KCNT2: variants seen among roughly 807,000 people sequenced by gnomAD.
The protein encoded by KCNT2 is potassium sodium-activated channel subfamily T member 2.
A neutral mutation model predicts 153.8 loss-of-function variants in KCNT2; 67 were observed. The ratio of observed to expected loss-of-function variants is 0.44; its 90% CI spans 0.36 to 0.53. The LOEUF (loss-of-function observed/expected upper bound fraction) is 0.53. Among genes scored for constraint, KCNT2 ranks in the 20% least tolerant of loss-of-function variants. The pLI, the probability that KCNT2 is intolerant of heterozygous loss-of-function variation, is 0.00. For missense variants in KCNT2, 975 were observed against 1,354.8 expected (o/e 0.72, Z 4.40); for synonymous variants, 500 against 458.8 (o/e 1.09, Z -1.15).
chr1:196,467,157 C>T (rs1244390387), intron 7 of KCNT2, among the ~76,000 whole-genome samples: 3 of 151,964 alleles, frequency 2.0e-5, no homozygotes, highest in African/African-American at 7.2e-5. Context: ...CCAGGAGTCC[C>T]ATTATGCATC....
At chr1:196,468,862 T>C (rs1557975656) in intron 6 of KCNT2, 132 bp downstream of exon 6, 6 of 619,580 alleles carry the variant, frequency 9.7e-6, no homozygotes, top group South Asian at 2.1e-5. Context: ...TCTTGTTGCT[T>C]AGTATCATGA....
chr1:196,340,116 G>T (rs1665472381), intron 16 of KCNT2, among the ~76,000 whole-genome samples: 1 of 151,800 alleles, frequency 6.6e-6, no homozygotes, highest in Non-Finnish European at 1.5e-5. Context: ...TCTGGAATAG[G>T]TAGTATTATA....
rs533789382 is a variant in KCNT2, at chr1:196,431,161, CCTT to C, written c.639-1407_639-1405del. On this transcript the variant is annotated intron_variant, in intron 8 of 27. Coordinates refer to ENST00000294725, the MANE Select transcript of KCNT2 (RefSeq NM_198503.5). ...CTGTGAGCCCTTGATCATGAACTCC[CCTT>C]CTTCTAGAACTGTGAGAAATATGTT... is the stretch of plus-strand genomic sequence containing the variant. Among the ~76,000 whole-genome samples, 10 of 152,222 alleles carry C rather than the reference CCTT, an allele frequency of 6.6e-5. No homozygotes were observed. In the South Asian group the frequency reaches 2.1e-3, roughly 32 times the overall value.
intron 1 of KCNT2, among the ~76,000 whole-genome samples, chr1:196,538,316 A>G (rs1023303894): frequency 1.3e-5 from 2 of 152,098 alleles, no homozygotes; most frequent in Non-Finnish European, 2.9e-5. Context: ...TGAAATCAGC[A>G]TGGACCAAAG....
intron 14 of KCNT2, among the ~76,000 whole-genome samples, chr1:196,369,166 C>T (rs1668291639): frequency 1.3e-5 from 2 of 151,800 alleles, no homozygotes; most frequent in South Asian, 2.1e-4. Context: ...AAATGAATTG[C>T]TAAATTTTTA....
At chr1:196,600,939 C>T (rs892740131) in intron 1 of KCNT2, among the ~76,000 whole-genome samples, 6 of 152,184 alleles carry the variant, frequency 3.9e-5, no homozygotes, top group African/African-American at 1.2e-4. Flanking sequence ...CCAGTTTTGA[C>T]TTTGTACTGT....
intron 14 of KCNT2, among the ~76,000 whole-genome samples, chr1:196,363,988 C>T (rs778685683): frequency 1.1e-4 from 17 of 151,994 alleles, no homozygotes; most frequent in Non-Finnish European, 1.5e-4. Flanking sequence ...TGATTCCAAT[C>T]TCATCCACAA....
At chr1:196,352,453 A>G (rs1666801446) in intron 14 of KCNT2, among the ~76,000 whole-genome samples, 1 of 151,962 alleles carries the variant, frequency 6.6e-6, no homozygotes, top group South Asian at 2.1e-4. Context: ...TGTGTCAAGG[A>G]ATTTATCCAT....
intron 5 of KCNT2, among the ~76,000 whole-genome samples, chr1:196,477,839 T>C (rs1362988313): frequency 6.6e-6 from 1 of 152,214 alleles, no homozygotes; most frequent in African/African-American, 2.4e-5. Context: ...CCCTGGTGAT[T>C]AACCCATGCA....
chr1:196,451,946 A>T (rs1676247688), intron 8 of KCNT2, among the ~76,000 whole-genome samples: 1 of 151,976 alleles, frequency 6.6e-6, no homozygotes, highest in Non-Finnish European at 1.5e-5. Flanking sequence ...CCCCTCTCCT[A>T]GGTTTGCTCA....
chr1:196,461,291 T>A (rs35481300), intron 8 of KCNT2, among the ~76,000 whole-genome samples: 2,123 of 151,816 alleles, frequency 0.014, 42 homozygotes, highest in African/African-American at 0.048. Context: ...ATGATCATAT[T>A]TTTAAACAAT....
chr1:196,341,953 A>G (rs1665679280), intron 15 of KCNT2, 126 bp downstream of exon 15: 4 of 871,278 alleles, frequency 4.6e-6, no homozygotes, highest in Non-Finnish European at 6.8e-6. Flanking sequence ...ATTGGGGAAT[A>G]TTGTGACAAA....
intron 7 of KCNT2, 41 bp downstream of exon 7, chr1:196,467,662 T>C: frequency 7.8e-7 from 1 of 1,289,332 alleles, no homozygotes; most frequent in Non-Finnish European, 1.1e-6. Flanking sequence ...AAGAAATGGT[T>C]TAAAAATATT....
chr1:196,247,708 C>T (rs935087614), intron 26 of KCNT2, among the ~76,000 whole-genome samples: 1 of 152,084 alleles, frequency 6.6e-6, no homozygotes, highest in Non-Finnish European at 1.5e-5. Context: ...ATAGAAGTAA[C>T]CACCCCATGA....
At chr1:196,568,565 C>T (rs1410782186) in intron 1 of KCNT2, among the ~76,000 whole-genome samples, 1 of 148,522 alleles carries the variant, frequency 6.7e-6, no homozygotes, top group Non-Finnish European at 1.5e-5. Flanking sequence ...CACTGCACTC[C>T]AGCCTGGGCG....
At chr1:196,229,403 TC>T (rs1318586018) in intron 27 of KCNT2, among the ~76,000 whole-genome samples, 4 of 152,060 alleles carry the variant, frequency 2.6e-5, no homozygotes, top group Non-Finnish European at 4.4e-5. Flanking sequence ...ATATGTGTGT[TC>T]TGATCACTCC....
chr1:196,443,979 T>C (rs1675468172), intron 8 of KCNT2, among the ~76,000 whole-genome samples: 3 of 151,104 alleles, frequency 2.0e-5, no homozygotes, highest in Admixed American at 1.3e-4. Flanking sequence ...TAAGATATAT[T>C]CCCAAAAGAA....
At chr1:196,295,066 G>C (rs1571941552) in intron 22 of KCNT2, among the ~76,000 whole-genome samples, 1 of 151,412 alleles carries the variant, frequency 6.6e-6, no homozygotes, top group Non-Finnish European at 1.5e-5. Flanking sequence ...CACTACAAAA[G>C]TAATAAGTAT....
intron 26 of KCNT2, among the ~76,000 whole-genome samples, chr1:196,245,295 A>G (rs1001635333): frequency 6.6e-6 from 1 of 152,068 alleles, no homozygotes; most frequent in Non-Finnish European, 1.5e-5. Flanking sequence ...GTTTGAGACC[A>G]GCCTGGGCAA....
Sources: gnomAD v4.1 joint callset for allele counts (sites outside exome capture counted in the v4.1 genomes callset) on GRCh38, gnomAD v4.1.1 for gene constraint, MANE v1.5 for transcripts, NCBI Gene and HGNC (gene_info 2026-07-23, HGNC 2026-07-21) for gene names.